Variants in EMC7 observed in about 807,000 individuals in gnomAD.
The protein encoded by EMC7 is endoplasmic reticulum membrane protein complex subunit 7.
A neutral mutation model predicts 24.4 loss-of-function variants in EMC7; 4 were observed. The observed-to-expected ratio is 0.16, with a 90% confidence interval of 0.08 to 0.38. The LOEUF (loss-of-function observed/expected upper bound fraction) is 0.38, where lower values mean the gene tolerates loss of function less well. Ranked by LOEUF, EMC7 falls within the 10% of genes least tolerant of loss-of-function variation. The probability of loss-of-function intolerance (pLI) is 1.00; values close to 1 mark genes in which losing one functional copy is unlikely to be tolerated. For missense variants in EMC7, 221 were observed against 300.6 expected, an observed-to-expected ratio of 0.74 and a Z score of 1.96; for synonymous variants, 106 against 112.0, an observed-to-expected ratio of 0.95 and a Z score of 0.34.
intron 2 of EMC7, among the ~76,000 whole-genome samples, chr15:34,094,588 A>G (rs1193939144): frequency 6.6e-6 from 1 of 151,874 alleles, no homozygotes; most frequent in Non-Finnish European, 1.5e-5. Context: ...TGTAATCCCA[A>G]CTACTTGGGA....
chr15:34,084,429 C>G lies in EMC7; in HGVS notation c.634G>C (p.Glu212Gln). The G allele has an allele frequency of 6.2e-7, 1 of 1,613,784 alleles. No individual in the cohort carries two copies. Among genetic ancestry groups the G allele is most frequent in the Non-Finnish European group, 8.5e-7 (1 of 1,179,742 alleles). Residue 212 changes from glutamate (E) to glutamine (Q), a missense_variant, in exon 5 of 5, where the codon GAG becomes CAG. Transcript: ENST00000256545. ...GAAGAGAAGAGTCTTGTCATGAACT[C>G]AGAAACATCAGGCAACTCATGGTTG... ...NSNHELPDVS[E>Q]FMTRLFSSKS...
chr15:34,096,819 C>T (rs547428839), intron 1 of EMC7, among the ~76,000 whole-genome samples: 1 of 151,436 alleles, frequency 6.6e-6, no homozygotes, highest in Admixed American at 6.6e-5. Flanking sequence ...GAAACCCCAT[C>T]TCTACTAAAA....
At chr15:34,092,410 G>A (rs983335778) in intron 2 of EMC7, among the ~76,000 whole-genome samples, 1 of 151,966 alleles carries the variant, frequency 6.6e-6, no homozygotes, top group Non-Finnish European at 1.5e-5. Flanking sequence ...GTGTAGTGGC[G>A]CAATCTCGGC....
At chr15:34,096,889 A>G (rs1901077473) in intron 1 of EMC7, among the ~76,000 whole-genome samples, 1 of 151,830 alleles carries the variant, frequency 6.6e-6, no homozygotes, top group African/African-American at 2.4e-5. Flanking sequence ...CGGGAGACTG[A>G]GATAGGAGAA....
At position 34,093,117 on chromosome 15, in the gene EMC7, C is replaced by T. The variant is rs150815076; in HGVS notation, c.357-2662G>A. On this transcript the variant is annotated intron_variant, in intron 2 of 4. Transcript: ENST00000256545. ...TTAAAGTATGGTTTCTACTGTGTAT[C>T]GCTTTCGCACCATGGTAAAGTCAAA... 4.6e-3 allele frequency among the ~76,000 whole-genome samples: 697 copies of T among 152,194 alleles called. 1 individual carries two copies. The highest frequency in any genetic ancestry group is 7.9e-3 in the Non-Finnish European group (537 of 68,012).
intron 2 of EMC7, among the ~76,000 whole-genome samples, chr15:34,092,292 CAA>C (rs35306211): frequency 6.6e-6 from 1 of 151,788 alleles, no homozygotes; most frequent in African/African-American, 2.4e-5. Flanking sequence ...CACACACACA[CAA>C]AGAATTAGGA....
At chr15:34,086,540 T>C (rs1056070749) in intron 4 of EMC7, among the ~76,000 whole-genome samples, 3 of 152,206 alleles carry the variant, frequency 2.0e-5, no homozygotes, top group African/African-American at 7.2e-5. Context: ...GCGATTCTCC[T>C]GTCTCAGCCT....
chr15:34,092,482 G>C (rs1900993441), intron 2 of EMC7, among the ~76,000 whole-genome samples: 1 of 151,966 alleles, frequency 6.6e-6, no homozygotes, highest in African/African-American at 2.4e-5. Context: ...CTGAGTAGCT[G>C]GAATTACAGG....
chr15:34,092,293 A>ACACAC (rs1555523196), intron 2 of EMC7, among the ~76,000 whole-genome samples: 2 of 151,654 alleles, frequency 1.3e-5, no homozygotes, highest in Admixed American at 6.6e-5. Flanking sequence ...ACACACACAC[A>ACACAC]AAGAATTAGG....
At chr15:34,096,934 C>T (rs910038720) in intron 1 of EMC7, among the ~76,000 whole-genome samples, 6 of 150,584 alleles carry the variant, frequency 4.0e-5, no homozygotes, top group African/African-American at 1.2e-4. Context: ...TTGCAGTGAG[C>T]TGTCCAGCCT....
chr15:34,088,291 T>C (rs1900922895), intron 3 of EMC7, among the ~76,000 whole-genome samples, 158 bp from the exon 4 acceptor site: 1 of 152,212 alleles, frequency 6.6e-6, no homozygotes, highest in Non-Finnish European at 1.5e-5. Flanking sequence ...CCAGTTCTGA[T>C]GATAGCAAGG....
At chr15:34,089,608 T>C (rs1263119840) in intron 3 of EMC7, among the ~76,000 whole-genome samples, 1 of 152,226 alleles carries the variant, frequency 6.6e-6, no homozygotes, top group Non-Finnish European at 1.5e-5. Flanking sequence ...TTACTTGTGC[T>C]ATCAATAGGG....
chr15:34,093,823 A>ATATATATTTTTTTTTTT (rs1190830993), intron 2 of EMC7, among the ~76,000 whole-genome samples: 5 of 48,694 alleles, frequency 1.0e-4, no homozygotes, highest in African/African-American at 5.5e-4. Flanking sequence ...ATATATATAT[A>ATATATATTTTTTTTTTT]TTTTTTTTTT....
intron 3 of EMC7, 37 bp downstream of exon 3, chr15:34,090,280 G>A: frequency 2.5e-6 from 4 of 1,584,516 alleles, no homozygotes; most frequent in South Asian, 2.3e-5. Context: ...AGCAAATTAG[G>A]TATTAGTAAA....
intron 2 of EMC7, 84 bp from the exon 3 acceptor site, chr15:34,090,539 T>G: frequency 7.1e-7 from 1 of 1,401,460 alleles, no homozygotes; most frequent in Non-Finnish European, 9.5e-7. Flanking sequence ...ATATTAGCAA[T>G]GCCTTATACA....
chr15:34,084,353 C>G lies in EMC7; in HGVS notation c.710G>C (p.Gly237Ala), dbSNP rs758334956. ...GCCTGACTACCTCCTTTTGCCAGCC[C>G]CACTTTTGCCTGTTTTACTGCTGCC... Reference protein sequence around the residue: ...SSGSSKTGKSGAGKRR With the variant: ...SSGSSKTGKSAAGKRR The change falls in exon 5 of 5, where the codon GGG becomes GCG. Residue 237 changes from glycine to alanine, a missense_variant. By Grantham distance (60) the Gly-to-Ala change is moderately conservative (BLOSUM62 0). Coordinates refer to ENST00000256545, the MANE Select transcript of EMC7 (RefSeq NM_020154.3). 12 of 1,613,102 alleles carry G rather than the reference C, an allele frequency of 7.4e-6. No homozygotes were observed. In the East Asian group the frequency reaches 2.0e-4, roughly 27 times the overall value.
chr15:34,084,901 C>T (rs1366656052), intron 4 of EMC7, among the ~76,000 whole-genome samples: 1 of 151,912 alleles, frequency 6.6e-6, no homozygotes, highest in Non-Finnish European at 1.5e-5. Flanking sequence ...CCCACCTCCC[C>T]CCACCCCACA....
At chr15:34,097,596 TTA>T (rs1274460985) in intron 1 of EMC7, among the ~76,000 whole-genome samples, 2 of 152,098 alleles carry the variant, frequency 1.3e-5, no homozygotes, top group African/African-American at 4.8e-5. Flanking sequence ...GAAAAAAAGT[TTA>T]TGTTTCAGGA....
At chr15:34,098,445 A>ATTTC in intron 1 of EMC7, among the ~76,000 whole-genome samples, 1 of 141,890 alleles carries the variant, frequency 7.0e-6, no homozygotes, top group Non-Finnish European at 1.5e-5. Context: ...GACTGAACCA[A>ATTTC]TTTCTTTCTT....
Sources: allele counts gnomAD v4.1 joint callset (sites outside exome capture counted in the v4.1 genomes callset), GRCh38; gene constraint gnomAD v4.1.1; transcripts MANE v1.5; gene names NCBI Gene and HGNC (gene_info 2026-07-23, HGNC 2026-07-21).